The following UGCG variants were observed in gnomAD, a reference collection of about 807,000 sequenced individuals.
The protein encoded by UGCG is UDP-glucose ceramide glucosyltransferase.
A neutral mutation model predicts 49.5 loss-of-function variants in UGCG; 10 were observed. That is an observed-to-expected ratio of 0.20 (90% CI 0.12 to 0.34). The LOEUF (loss-of-function observed/expected upper bound fraction) is 0.34, where lower values mean the gene tolerates loss of function less well. UGCG is among the 10% of genes least tolerant of loss of function. UGCG has a pLI of 1.00. For missense variants in UGCG, 312 were observed against 483.7 expected (o/e 0.65, Z 3.33); for synonymous variants, 182 against 158.2 (o/e 1.15, Z -1.13).
At position 111,904,814 on chromosome 9, in the gene UGCG, G is replaced by A. The variant is rs533672974; in HGVS notation, c.98+7501G>A. 3.5e-4 allele frequency among the ~76,000 whole-genome samples: 54 copies of A among 152,246 alleles called. No individual in the cohort carries two copies. The South Asian group carries it at 0.011, about 32-fold the overall frequency. ...GAGGTGGAGGTTACAGTGAGCCAAG[G>A]TTGTGCCATTGCTCTCCAGCCTGGG... On this transcript the variant is annotated intron_variant, in intron 1 of 8. Transcript: ENST00000374279.
intron 4 of UGCG, among the ~76,000 whole-genome samples, chr9:111,925,967 C>T (rs945518983): frequency 3.3e-5 from 5 of 152,172 alleles, no homozygotes; most frequent in African/African-American, 1.2e-4. Flanking sequence ...AAATCTGATA[C>T]TCACAGAGAA....
At chr9:111,905,783 A>G (rs1201200781) in intron 1 of UGCG, among the ~76,000 whole-genome samples, 4 of 152,130 alleles carry the variant, frequency 2.6e-5, no homozygotes, top group Non-Finnish European at 5.9e-5. Flanking sequence ...ATTCAATAAT[A>G]ATATATTCCT....
At chr9:111,901,807 A>G (rs916824961) in intron 1 of UGCG, among the ~76,000 whole-genome samples, 1 of 152,208 alleles carries the variant, frequency 6.6e-6, no homozygotes, top group Non-Finnish European at 1.5e-5. Context: ...GCACACCTTC[A>G]TATCTATCCT....
intron 5 of UGCG, 46 bp from the exon 6 acceptor site, chr9:111,929,454 T>C: frequency 6.4e-7 from 1 of 1,570,540 alleles, no homozygotes; most frequent in Middle Eastern, 1.7e-4. Flanking sequence ...ACACCATGCT[T>C]TTAACATGAA....
chr9:111,931,392 A>T, intron 7 of UGCG, 35 bp downstream of exon 7: 1 of 1,601,022 alleles, frequency 6.2e-7, no homozygotes, highest in Non-Finnish European at 8.5e-7. Flanking sequence ...ACTTCGTTAA[A>T]AGGAAAGTGG....
At chr9:111,929,227 A>G (rs1283051640) in intron 5 of UGCG, 3 of 302,994 alleles carry the variant, frequency 9.9e-6, no homozygotes, top group Non-Finnish European at 1.8e-5. Flanking sequence ...AGATACATTG[A>G]ATATTTGTTA....
chr9:111,933,927 GACACATTTC>G lies in UGCG; in HGVS notation c.*937_*945del, dbSNP rs967136359. 7 of 152,216 alleles carry G rather than the reference GACACATTTC, an allele frequency of 4.6e-5. No homozygotes were observed. Among genetic ancestry groups the G allele is most frequent in the African/African-American group, 1.7e-4 (7 of 41,540 alleles). The allele number at this position is 152,216 out of a possible 1,614,324, so 9.4% of individuals were successfully genotyped here. On this transcript the variant is annotated 3_prime_UTR_variant, in exon 9 of 9. Transcript: ENST00000374279. ...AGTTGTAAGGAAAAAATGCATTTCAGACACATTTCACACATGAGCTATTTTCTTACACAG... is the reference window on the plus strand; with the variant it reads ...AGTTGTAAGGAAAAAATGCATTTCAGACACATGAGCTATTTTCTTACACAG...
chr9:111,906,109 G>A (rs765179009), intron 1 of UGCG, among the ~76,000 whole-genome samples: 6 of 152,108 alleles, frequency 3.9e-5, no homozygotes, highest in Non-Finnish European at 7.4e-5. Context: ...TTATTCACTT[G>A]TGATCTCTAC....
intron 1 of UGCG, among the ~76,000 whole-genome samples, chr9:111,911,420 A>G (rs757357351): frequency 6.6e-6 from 1 of 152,176 alleles, no homozygotes; most frequent in Non-Finnish European, 1.5e-5. Context: ...TATAATTCAT[A>G]TATACCATAA....
intron 1 of UGCG, among the ~76,000 whole-genome samples, chr9:111,901,126 A>G (rs1486433707): frequency 6.6e-6 from 1 of 152,186 alleles, no homozygotes; most frequent in African/African-American, 2.4e-5. Flanking sequence ...CAAATATGCT[A>G]TCTCTAATGT....
At chr9:111,897,482 G>T (rs576820836) in intron 1 of UGCG, among the ~76,000 whole-genome samples, 169 bp downstream of exon 1, 1 of 152,288 alleles carries the variant, frequency 6.6e-6, no homozygotes, top group South Asian at 2.1e-4. Context: ...GGCGGTGGCG[G>T]TGGTCTTTGC....
chr9:111,926,564 TGGGA>T, intron 5 of UGCG, 68 bp downstream of exon 5: 1 of 1,253,952 alleles, frequency 8.0e-7, no homozygotes, highest in Non-Finnish European at 1.1e-6. Flanking sequence ...CTTGAGACTA[TGGGA>T]GCTGGAATTA....
intron 1 of UGCG, among the ~76,000 whole-genome samples, chr9:111,899,720 CTTAG>C (rs1258624294): frequency 6.6e-6 from 1 of 152,090 alleles, no homozygotes; most frequent in African/African-American, 2.4e-5. Flanking sequence ...TCTGCTTCCT[CTTAG>C]TATTTTTTTC....
In UGCG at chr9:111,926,496, G is replaced by A. The variant is rs770669594; in HGVS notation, c.558G>A (p.Gln186=). The A allele has an allele frequency of 6.2e-7, 1 of 1,602,588 alleles. No homozygotes were observed. Among genetic ancestry groups the A allele is most frequent in the Non-Finnish European group, 8.5e-7 (1 of 1,172,952 alleles). ...AGGGCTTTGCTGCCACCTTAGAGCA[G>A]GTGAGTATGGTGGTTATAAATCATG... ...DRQGFAATLE[Q]VYFGTSHPRY... is the part of the protein sequence containing the mutation. Residue 186 remains glutamine (Q), a splice_region_variant and synonymous_variant, in exon 5 of 9, where the codon CAG becomes CAA. Coordinates refer to ENST00000374279, the MANE Select transcript of UGCG (RefSeq NM_003358.3).
rs141016987 is a variant in UGCG, at chr9:111,910,079, A to G, written c.99-4526A>G. 2.0e-3 allele frequency among the ~76,000 whole-genome samples: 305 copies of G among 152,346 alleles called. 2 individuals carry two copies. Among genetic ancestry groups the G allele is most frequent in the African/African-American group, 6.4e-3 (264 of 41,568 alleles). ...GAATGAATCTATGATAAAATACTGC[A>G]TTCTCAACATGAAAAGTTCTTCAAA... On this transcript the variant is annotated intron_variant, in intron 1 of 8. Coordinates refer to ENST00000374279, the MANE Select transcript of UGCG (RefSeq NM_003358.3).
intron 3 of UGCG, among the ~76,000 whole-genome samples, chr9:111,923,692 G>T (rs1271868287): frequency 6.6e-6 from 1 of 151,854 alleles, no homozygotes; most frequent in Non-Finnish European, 1.5e-5. Flanking sequence ...GAGTGCAATG[G>T]CACAATTTCA....
chr9:111,904,594 C>T (rs12351165), intron 1 of UGCG, among the ~76,000 whole-genome samples: 2 of 152,156 alleles, frequency 1.3e-5, no homozygotes, highest in Non-Finnish European at 2.9e-5. Context: ...GGCTTGGTGG[C>T]TCACACCTGT....
At chr9:111,919,996 A>G (rs1429496399) in intron 2 of UGCG, among the ~76,000 whole-genome samples, 2 of 151,958 alleles carry the variant, frequency 1.3e-5, no homozygotes, top group African/African-American at 2.4e-5. Flanking sequence ...GAGAGTCTGG[A>G]TGGGAGGCTG....
At chr9:111,913,380 A>C (rs1377968692) in intron 1 of UGCG, among the ~76,000 whole-genome samples, 1 of 152,114 alleles carries the variant, frequency 6.6e-6, no homozygotes, top group Admixed American at 6.6e-5. Flanking sequence ...ATTGAATGGC[A>C]TCTTGTTGCA....
Sources: allele counts gnomAD v4.1 joint callset (sites outside exome capture counted in the v4.1 genomes callset), GRCh38; gene constraint gnomAD v4.1.1; transcripts MANE v1.5; gene names NCBI Gene and HGNC (gene_info 2026-07-23, HGNC 2026-07-21).